Variants in MRTFB observed in about 807,000 individuals in gnomAD.
The protein encoded by MRTFB is myocardin-related transcription factor B.
MRTFB carries 29 observed loss-of-function variants against 104.2 expected under a neutral mutation model. That is an observed-to-expected ratio of 0.28 (90% CI 0.21 to 0.38). MRTFB has a LOEUF of 0.38. Among genes scored for constraint, MRTFB ranks in the 10% least tolerant of loss-of-function variants. The pLI, the probability that MRTFB is intolerant of heterozygous loss-of-function variation, is 1.00. For synonymous variants in MRTFB, 535 were observed against 519.5 expected, an observed-to-expected ratio of 1.03 and a Z score of -0.41; for missense variants, 1,270 against 1,341.6, an observed-to-expected ratio of 0.95 and a Z score of 0.83.
intron 3 of MRTFB, chr16:14,141,062 C>T: frequency 3.5e-6 from 1 of 286,314 alleles, no homozygotes; most frequent in Non-Finnish European, 6.7e-6. Context: ...AAGTAGGTTC[C>T]TGTGCTGATG....
intron 2 of MRTFB, among the ~76,000 whole-genome samples, chr16:14,099,464 C>A (rs1475189830): frequency 6.6e-6 from 1 of 150,982 alleles, no homozygotes; most frequent in East Asian, 1.9e-4. Flanking sequence ...CAACCTCCGC[C>A]TCCTTGGCTC....
In MRTFB at chr16:14,247,114, C is replaced by A; in HGVS notation, c.1854C>A (p.Pro618=). The A allele has an allele frequency of 6.2e-7, 1 of 1,614,190 alleles. No individual in the cohort carries two copies. The highest frequency in any genetic ancestry group is 1.3e-5 in the African/African-American group (1 of 75,070). The stretch of plus-strand genomic sequence containing the variant: ...AGCAGCGGCCCCTGGAAGCCCAGCC[C>A]AGTGCCCCAGGTCATTCTGTCAAGT... ...GQQQRPLEAQ[P]SAPGHSVKSD... is the part of the protein sequence containing the mutation. The change falls in exon 12 of 17, where the codon CCC becomes CCA. Residue 618 remains proline (P), a synonymous_variant. Transcript: ENST00000571589.
intron 3 of MRTFB, among the ~76,000 whole-genome samples, chr16:14,187,203 G>A (rs979275265): frequency 3.3e-5 from 5 of 152,168 alleles, no homozygotes; most frequent in African/African-American, 1.2e-4. Flanking sequence ...CTGGGTAGCT[G>A]TTACTAAAGA....
In MRTFB at chr16:14,159,787, G is replaced by A. The variant is rs186859313; in HGVS notation, c.154+19027G>A. Among the ~76,000 whole-genome samples, 1,088 of 150,960 alleles carry A rather than the reference G, an allele frequency of 7.2e-3. 17 individuals are homozygous for A. The highest frequency in any genetic ancestry group is 0.025 in the African/African-American group (1,037 of 41,092). On this transcript the variant is annotated intron_variant, in intron 3 of 16. Coordinates refer to ENST00000571589, the MANE Select transcript of MRTFB (RefSeq NM_001308142.2). Reference sequence around the variant, plus strand: ...TACTAAAAATACAAAAAAATTAGCCGGGCGTAGTGGCGGGCGCCTGTAGTC... The same window carrying A: ...TACTAAAAATACAAAAAAATTAGCCAGGCGTAGTGGCGGGCGCCTGTAGTC...
chr16:14,092,575 C>G (rs1026638834), intron 2 of MRTFB: 6 of 152,164 alleles, frequency 3.9e-5, no homozygotes, highest in Admixed American at 2.0e-4. Context: ...TATCTGCTGA[C>G]AGTCCTGCCA....
At chr16:14,071,110 C>A (rs527331349), upstream of MRTFB, among the ~76,000 whole-genome samples, 3 of 152,156 alleles carry the variant, frequency 2.0e-5, no homozygotes, top group African/African-American at 7.2e-5. Context: ...AGGAGGCGGC[C>A]GCCTCGCACC....
chr16:14,022,746 CTTTTTTTTT>C, the MRTFB span, among the ~76,000 whole-genome samples: 1 of 88,638 alleles, frequency 1.1e-5, no homozygotes, highest in African/African-American at 4.3e-5. Flanking sequence ...TAATACTGTT[CTTTTTTTTT>C]TTTTTTTTTT....
At chr16:14,029,439 T>C in the MRTFB span, among the ~76,000 whole-genome samples, 7 of 77,382 alleles carry the variant, frequency 9.0e-5, no homozygotes, top group African/African-American at 2.5e-4. Flanking sequence ...TATATATATA[T>C]ATATATACAC....
At chr16:14,016,499 G>A in the MRTFB span, among the ~76,000 whole-genome samples, 2 of 152,054 alleles carry the variant, frequency 1.3e-5, no homozygotes, top group Non-Finnish European at 2.9e-5. Flanking sequence ...TAGGCTGGGC[G>A]CGGTGGCTCA....
chr16:14,174,370 T>G (rs966501547), intron 3 of MRTFB, among the ~76,000 whole-genome samples: 2 of 152,164 alleles, frequency 1.3e-5, no homozygotes, highest in Non-Finnish European at 2.9e-5. Flanking sequence ...ATTTTGATTA[T>G]ATAGCTTTTA....
the MRTFB span, among the ~76,000 whole-genome samples, chr16:14,052,930 G>A: frequency 3.3e-5 from 5 of 152,024 alleles, no homozygotes; most frequent in African/African-American, 1.2e-4. Context: ...CTCCATGACA[G>A]CACTTTTTTA....
chr16:13,998,454 G>C, the MRTFB span, among the ~76,000 whole-genome samples: 1 of 152,046 alleles, frequency 6.6e-6, no homozygotes, highest in Non-Finnish European at 1.5e-5. Flanking sequence ...TTCAAGACCA[G>C]CATGGGCAAC....
Position 14,177,731 on chromosome 16 carries a change from G to A in MRTFB, c.155-32512G>A, listed in dbSNP as rs1214778073. ...CCAGCTACTGGGGAGGCTGAAGAGG[G>A]AAGATTGCTTCAGCCCAGGAGGTCG... On this transcript the variant is annotated intron_variant, in intron 3 of 16. Coordinates refer to ENST00000571589, the MANE Select transcript of MRTFB (RefSeq NM_001308142.2). The surrounding 1 kb of genome is among the most constrained non-coding windows in gnomAD (Gnocchi z 4.7). Among the ~76,000 whole-genome samples, 1 of 152,100 alleles carries A rather than the reference G, an allele frequency of 6.6e-6. No individual in the cohort carries two copies. Among genetic ancestry groups the A allele is most frequent in the Non-Finnish European group, 1.5e-5 (1 of 68,022 alleles).
intron 3 of MRTFB, among the ~76,000 whole-genome samples, chr16:14,174,714 C>T (rs938228383): frequency 6.6e-6 from 1 of 152,126 alleles, no homozygotes; most frequent in African/African-American, 2.4e-5. Context: ...CTTCCTTTGT[C>T]ACATACAATT....
the MRTFB span, among the ~76,000 whole-genome samples, chr16:14,035,818 A>C: frequency 6.6e-6 from 1 of 151,778 alleles, no homozygotes; most frequent in African/African-American, 2.4e-5. Context: ...ATTTTGGTGC[A>C]CTCATCACCT....
intron 2 of MRTFB, among the ~76,000 whole-genome samples, chr16:14,079,750 G>T (rs924147342): frequency 6.7e-5 from 10 of 149,278 alleles, no homozygotes; most frequent in African/African-American, 2.4e-4. Flanking sequence ...TAAAATTTTG[G>T]GTTTTTTTTT....
chr16:14,092,791 T>C (rs2035158414), intron 2 of MRTFB: 1 of 152,098 alleles, frequency 6.6e-6, no homozygotes, highest in South Asian at 2.1e-4. Context: ...ACTAAGAAAA[T>C]GTGCTTTGAT....
At chr16:14,114,124 T>C (rs1187330409) in intron 2 of MRTFB, among the ~76,000 whole-genome samples, 3 of 152,348 alleles carry the variant, frequency 2.0e-5, no homozygotes, top group African/African-American at 7.2e-5. Flanking sequence ...TATACTGATA[T>C]ATTTGTGGTT....
In MRTFB at chr16:14,246,732, G is replaced by T. The variant is rs769241056; in HGVS notation, c.1472G>T (p.Ser491Ile). Residue 491 changes from serine (S) to isoleucine (I), a missense_variant, in exon 12 of 17, where the codon AGC becomes ATC. Ser to Ile is a moderately radical substitution (Grantham distance 142, BLOSUM62 -2). Around this residue, in one of 3 missense-constraint regions of MRTFB, gnomAD observed 1,144 missense variants for 1,131.5 expected, o/e 1.01. Transcript: ENST00000571589. Reference protein sequence around the residue: ...LKAELPPTGTSNATRVENVHS... With the variant: ...LKAELPPTGTINATRVENVHS... ...GCAGAATTGCCACCTACAGGAACCA[G>T]CAACGCAACCCGTGTGGAAAATGTT... The T allele has an allele frequency of 6.2e-7, 1 of 1,614,152 alleles. No individual in the cohort carries two copies. The highest frequency in any genetic ancestry group is 2.2e-5 in the East Asian group (1 of 44,860).
Sources: gnomAD v4.1 joint callset for allele counts (sites outside exome capture counted in the v4.1 genomes callset) on GRCh38, gnomAD v4.1.1 for gene constraint, gnomAD v4.1.1 regional missense constraint, Gnocchi (gnomAD v3.1) non-coding constraint, MANE v1.5 for transcripts, NCBI Gene and HGNC (gene_info 2026-07-23, HGNC 2026-07-21) for gene names.